LRBA: variants seen among roughly 807,000 people sequenced by gnomAD.
LRBA encodes lipopolysaccharide-responsive and beige-like anchor protein.
LRBA carries 176 observed loss-of-function variants against 330.0 expected under a neutral mutation model. The ratio of observed to expected loss-of-function variants is 0.53; its 90% CI spans 0.47 to 0.60. The LOEUF is 0.60. Ranked by LOEUF, LRBA falls within the 20% of genes least tolerant of loss-of-function variation. The pLI is 0.00. For missense variants in LRBA, 3,259 were observed against 3,444.8 expected (o/e 0.95, Z 1.35); for synonymous variants, 1,230 against 1,193.0 (o/e 1.03, Z -0.64).
Position 150,435,674 on chromosome 4 carries a change from C to G in LRBA, c.6956G>C (p.Gly2319Ala). 1 of 1,610,916 alleles carries G rather than the reference C, an allele frequency of 6.2e-7. No homozygotes were observed. Among genetic ancestry groups the G allele is most frequent in the Non-Finnish European group, 8.5e-7 (1 of 1,178,786 alleles). Residue 2319 changes from glycine to alanine, a missense_variant, in exon 46 of 57, where the codon GGA becomes GCA. By Grantham distance (60) the Gly-to-Ala change is moderately conservative. Transcript: ENST00000651943. ...PFTTYFLNLQ[G>A]GKFDHADRTF... The stretch of plus-strand genomic sequence containing the variant: ...TCGATCTGCATGATCAAATTTGCCT[C>G]CTTGCAAATTTAGGAAATAAGTTGT...
At chr4:150,612,271 A>AG (rs764080365) in intron 37 of LRBA, among the ~76,000 whole-genome samples, 2 of 152,240 alleles carry the variant, frequency 1.3e-5, no homozygotes, top group African/African-American at 2.4e-5. Context: ...GTTTACATGA[A>AG]GAAAAACCCT....
intron 38 of LRBA, among the ~76,000 whole-genome samples, chr4:150,597,912 T>C (rs1374845720): frequency 6.6e-6 from 1 of 152,102 alleles, no homozygotes; most frequent in Non-Finnish European, 1.5e-5. Flanking sequence ...CTCTGTATGA[T>C]CATTTATTTT....
intron 46 of LRBA, among the ~76,000 whole-genome samples, chr4:150,434,042 T>C (rs1750773671): frequency 6.6e-6 from 1 of 152,190 alleles, no homozygotes; most frequent in South Asian, 2.1e-4. Flanking sequence ...ATTGTCATTA[T>C]ACTGAAAAAA....
intron 50 of LRBA, among the ~76,000 whole-genome samples, chr4:150,318,761 G>GT (rs113664032): frequency 6.6e-6 from 1 of 152,150 alleles, no homozygotes; most frequent in African/African-American, 2.4e-5. Context: ...TGTAAAGGCA[G>GT]TATGTATGGA....
At chr4:150,277,169 C>T (rs186557296) in intron 56 of LRBA, among the ~76,000 whole-genome samples, 2 of 150,238 alleles carry the variant, frequency 1.3e-5, no homozygotes, top group East Asian at 2.0e-4. Context: ...CAAACTAACA[C>T]AGGAACAGAA....
At chr4:150,592,444 A>G (rs1422206844) in intron 38 of LRBA, among the ~76,000 whole-genome samples, 1 of 151,836 alleles carries the variant, frequency 6.6e-6, no homozygotes, top group Non-Finnish European at 1.5e-5. Flanking sequence ...AGTGCTACTG[A>G]AACATAGGAG....
At chr4:150,443,853 A>AAAAAAAAATATAT (rs70941406) in intron 44 of LRBA, among the ~76,000 whole-genome samples, 5 of 75,480 alleles carry the variant, frequency 6.6e-5, no homozygotes, top group Non-Finnish European at 1.2e-4. Context: ...TAATTAAAAA[A>AAAAAAAAATATAT]ATATATATAT....
At chr4:150,691,105 A>G (rs896282483) in intron 36 of LRBA, among the ~76,000 whole-genome samples, 3 of 151,548 alleles carry the variant, frequency 2.0e-5, no homozygotes, top group Admixed American at 1.3e-4. Context: ...AATTTTTTGT[A>G]TTTTTTAGTA....
chr4:150,519,437 C>T (rs540854661), intron 40 of LRBA, among the ~76,000 whole-genome samples: 11 of 152,226 alleles, frequency 7.2e-5, no homozygotes, highest in South Asian at 2.1e-4. Flanking sequence ...GCCTAATCTA[C>T]GCATGATACA....
chr4:150,532,739 T>A (rs1043121517), intron 40 of LRBA, among the ~76,000 whole-genome samples: 1 of 152,044 alleles, frequency 6.6e-6, no homozygotes, highest in African/African-American at 2.4e-5. Context: ...ACTCAATGAT[T>A]TAAGATTTTA....
intron 2 of LRBA, among the ~76,000 whole-genome samples, chr4:151,002,619 T>C (rs987098548): frequency 2.8e-5 from 4 of 142,850 alleles, no homozygotes; most frequent in African/African-American, 1.0e-4. Context: ...CACAAGAGAA[T>C]AATGAAAACT....
intron 22 of LRBA, among the ~76,000 whole-genome samples, chr4:150,862,914 G>A (rs1168212612): frequency 6.6e-6 from 1 of 152,032 alleles, no homozygotes; most frequent in Admixed American, 6.6e-5. Context: ...AGGAGGTGGA[G>A]GTTTCAGTGA....
rs374468834 is a variant in LRBA, at chr4:150,340,754, T to A, written c.7362+9238A>T. On this transcript the variant is annotated intron_variant, in intron 48 of 56. Transcript: ENST00000651943. Reference sequence around the variant, plus strand: ...ATCCTTTTCATGTAGTGTTTATACGTGAATATATTAATTTCCTTAAGGATT... The same window carrying A: ...ATCCTTTTCATGTAGTGTTTATACGAGAATATATTAATTTCCTTAAGGATT... Among the ~76,000 whole-genome samples the A allele has an allele frequency of 3.3e-5, 5 of 152,314 alleles. No individual in the cohort carries two copies. The East Asian group carries it at 7.7e-4, about 23-fold the overall frequency.
Position 150,914,516 on chromosome 4 carries a change from T to C in LRBA, c.1015-175A>G, listed in dbSNP as rs372549628. On this transcript the variant is annotated intron_variant, in intron 8 of 56. Transcript: ENST00000651943. ...GTTGAAAAATGTGTATGTAATGACA[T>C]TAGGGGATATAGAAAAGTTTGAAAC... 7.2e-4 allele frequency among the ~76,000 whole-genome samples: 109 copies of C among 152,218 alleles called. 4 individuals are homozygous for C. In the South Asian group the frequency reaches 0.022, roughly 31 times the overall value.
At chr4:150,509,477 A>T (rs1761566635) in intron 40 of LRBA, among the ~76,000 whole-genome samples, 2 of 152,046 alleles carry the variant, frequency 1.3e-5, no homozygotes, top group South Asian at 4.1e-4. Context: ...AGTGATTTTG[A>T]CATCCCCTTT....
intron 2 of LRBA, among the ~76,000 whole-genome samples, chr4:151,002,180 A>T (rs1464699020): frequency 7.8e-6 from 1 of 128,054 alleles, no homozygotes; most frequent in African/African-American, 2.7e-5. Context: ...GTAACGACAG[A>T]GGAAACATAA....
At chr4:150,985,138 A>G (rs2149612677) in intron 2 of LRBA, among the ~76,000 whole-genome samples, 1 of 152,102 alleles carries the variant, frequency 6.6e-6, no homozygotes, top group Non-Finnish European at 1.5e-5. Flanking sequence ...AGGCGCCTGT[A>G]ATCCCAGCTA....
At chr4:150,969,249 G>A (rs901546418) in intron 2 of LRBA, among the ~76,000 whole-genome samples, 5 of 152,108 alleles carry the variant, frequency 3.3e-5, no homozygotes, top group Non-Finnish European at 5.9e-5. Context: ...TTATTATCTA[G>A]GAAATACATT....
intron 37 of LRBA, among the ~76,000 whole-genome samples, chr4:150,661,277 C>T (rs1269647024): frequency 6.6e-6 from 1 of 151,266 alleles, no homozygotes; most frequent in Non-Finnish European, 1.5e-5. Flanking sequence ...TCATGACCAG[C>T]CCGGGCAACA....
Sources: allele counts gnomAD v4.1 joint callset (sites outside exome capture counted in the v4.1 genomes callset), GRCh38; gene constraint gnomAD v4.1.1; transcripts MANE v1.5; gene names NCBI Gene and HGNC (gene_info 2026-07-23, HGNC 2026-07-21).